The following PTPRE variants were observed in gnomAD, a reference collection of about 807,000 sequenced individuals.
PTPRE encodes protein tyrosine phosphatase receptor type E.
Under a neutral mutation model 102.0 loss-of-function variants are expected in PTPRE, and 51 were observed. That is an observed-to-expected ratio of 0.50 (90% CI 0.40 to 0.63). The LOEUF (loss-of-function observed/expected upper bound fraction) is 0.63. Ranked by LOEUF, PTPRE falls within the 30% of genes least tolerant of loss-of-function variation. The pLI, the probability that PTPRE is intolerant of heterozygous loss-of-function variation, is 0.00. For missense variants in PTPRE, 752 were observed against 915.1 expected (o/e 0.82, Z 2.30); for synonymous variants, 345 against 348.2 (o/e 0.99, Z 0.10).
chr10:127,932,647 C>T (rs978863404), intron 1 of PTPRE, among the ~76,000 whole-genome samples: 2 of 152,192 alleles, frequency 1.3e-5, no homozygotes, highest in African/African-American at 4.8e-5. Context: ...GTGCTCATGC[C>T]ACCCTCCCAC....
chr10:127,956,538 A>G (rs906747767), intron 1 of PTPRE, among the ~76,000 whole-genome samples: 4 of 152,240 alleles, frequency 2.6e-5, no homozygotes, highest in African/African-American at 9.6e-5. Flanking sequence ...ATATACATAC[A>G]TATGTGGGTT....
At chr10:127,921,311 T>C (rs891918855) in intron 1 of PTPRE, among the ~76,000 whole-genome samples, 4 of 152,078 alleles carry the variant, frequency 2.6e-5, no homozygotes, top group East Asian at 1.9e-4. Context: ...GAGGCCCAGA[T>C]AGGGTAGCAG....
At chr10:128,071,899 A>G (rs1850802083) in intron 15 of PTPRE, 3 of 497,956 alleles carry the variant, frequency 6.0e-6, no homozygotes, top group Non-Finnish European at 1.1e-5. Flanking sequence ...GGTATGTATT[A>G]TATCGATTCC....
chr10:127,936,789 A>AC (rs34655434), intron 1 of PTPRE, among the ~76,000 whole-genome samples: 1 of 151,850 alleles, frequency 6.6e-6, no homozygotes, highest in Non-Finnish European at 1.5e-5. Flanking sequence ...GTTGTGACCC[A>AC]CCCCCCACCA....
chr10:128,070,560 C>T lies in PTPRE; in HGVS notation c.1293+110C>T. On this transcript the variant is annotated intron_variant, in intron 14 of 20. Coordinates refer to ENST00000254667, the MANE Select transcript of PTPRE (RefSeq NM_006504.6). The surrounding 1 kb of genome is among the most constrained non-coding windows in gnomAD (Gnocchi z 4.8). Reference sequence around the variant, plus strand: ...TTTCAATCACTTGCCCCTTAACTGACCTCAGAAAAAGCAGGGGCAATACCT... The same window carrying T: ...TTTCAATCACTTGCCCCTTAACTGATCTCAGAAAAAGCAGGGGCAATACCT... The T allele has an allele frequency of 5.7e-6, 8 of 1,407,276 alleles. No homozygotes were observed. Among genetic ancestry groups the T allele is most frequent in the Non-Finnish European group, 7.6e-6 (8 of 1,053,956 alleles). 87.2% of individuals were successfully genotyped at this position (1,407,276 alleles called of 1,614,324 possible).
chr10:128,069,997 C>G, intron 13 of PTPRE, 170 bp downstream of exon 13: 1 of 926,594 alleles, frequency 1.1e-6, no homozygotes, highest in East Asian at 2.6e-5. Flanking sequence ...ACCTCAGGGA[C>G]TCCCTCGTCC....
intron 1 of PTPRE, among the ~76,000 whole-genome samples, chr10:127,908,572 G>T (rs1358668256): frequency 6.6e-6 from 1 of 152,178 alleles, no homozygotes; most frequent in Non-Finnish European, 1.5e-5. Flanking sequence ...GGTATGGGCA[G>T]AGCTCTGTGG....
chr10:128,018,285 G>A (rs957634709), intron 2 of PTPRE, among the ~76,000 whole-genome samples: 4 of 152,198 alleles, frequency 2.6e-5, no homozygotes, highest in African/African-American at 9.7e-5. Context: ...CTGGGCCAGA[G>A]GCTCCCTCCC....
chr10:127,921,349 G>C (rs1231040709), intron 1 of PTPRE, among the ~76,000 whole-genome samples: 1 of 152,196 alleles, frequency 6.6e-6, no homozygotes, highest in African/African-American at 2.4e-5. Context: ...AAGGGATTGA[G>C]ACCAATAATC....
At chr10:128,046,323 C>T (rs185724980) in intron 3 of PTPRE, among the ~76,000 whole-genome samples, 520 of 152,270 alleles carry the variant, frequency 3.4e-3, no homozygotes, top group African/African-American at 0.011. Context: ...CTCGGGAGGC[C>T]GTGCCAGCCC....
intron 1 of PTPRE, among the ~76,000 whole-genome samples, chr10:127,921,205 C>G (rs952149176): frequency 2.0e-5 from 3 of 152,248 alleles, no homozygotes; most frequent in Non-Finnish European, 4.4e-5. Context: ...CAGCCAGATC[C>G]TGCTCTAAGC....
At chr10:127,993,276 G>A (rs778171955) in intron 2 of PTPRE, among the ~76,000 whole-genome samples, 13 of 152,170 alleles carry the variant, frequency 8.5e-5, no homozygotes, top group Admixed American at 2.6e-4. Context: ...AGTCAAGTTC[G>A]GAGAATGGCC....
At chr10:127,911,916 ATT>A (rs1328974313) in intron 1 of PTPRE, among the ~76,000 whole-genome samples, 1 of 151,844 alleles carries the variant, frequency 6.6e-6, no homozygotes, top group Non-Finnish European at 1.5e-5. Context: ...GCTGGATGAT[ATT>A]TTAGATGGCT....
Position 128,008,963 on chromosome 10 carries a change from T to G in PTPRE, c.-8+26667T>G, listed in dbSNP as rs1018961928. ...TGGTCTGGCTGGGGCTGGGTTACTTTGTTTCCTGCAAATCTTACCAGGAGT... is the reference window on the plus strand; with the variant it reads ...TGGTCTGGCTGGGGCTGGGTTACTTGGTTTCCTGCAAATCTTACCAGGAGT... On this transcript the variant is annotated intron_variant, in intron 2 of 20. Transcript: ENST00000254667. This position sits in a 1 kb window ranked among gnomAD's most constrained non-coding sequence, Gnocchi z 4.0. Among the ~76,000 whole-genome samples the G allele has an allele frequency of 6.6e-5, 10 of 152,230 alleles. No individual in the cohort carries two copies. Among genetic ancestry groups the G allele is most frequent in the African/African-American group, 2.4e-4 (10 of 41,458 alleles).
intron 3 of PTPRE, among the ~76,000 whole-genome samples, chr10:128,043,818 G>C (rs1258787803): frequency 6.6e-6 from 1 of 152,140 alleles, no homozygotes; most frequent in Non-Finnish European, 1.5e-5. Flanking sequence ...AGCTTATCTG[G>C]GCTGACATGG....
chr10:127,947,250 ATT>A (rs1459978338), intron 1 of PTPRE, among the ~76,000 whole-genome samples: 3 of 152,228 alleles, frequency 2.0e-5, no homozygotes, highest in Non-Finnish European at 4.4e-5. Flanking sequence ...GTTTTGGAAA[ATT>A]AAATAAGTGT....
intron 1 of PTPRE, among the ~76,000 whole-genome samples, chr10:127,931,589 G>A (rs1847447314): frequency 6.6e-6 from 1 of 152,158 alleles, no homozygotes; most frequent in Non-Finnish European, 1.5e-5. Context: ...CCCCTTCCCA[G>A]GAGCAGCAAG....
chr10:127,989,386 A>G (rs1852408459), intron 2 of PTPRE, among the ~76,000 whole-genome samples: 1 of 152,252 alleles, frequency 6.6e-6, no homozygotes, highest in East Asian at 1.9e-4. Context: ...ACACATACAT[A>G]TGGAGCACTT....
At chr10:127,937,618 G>A (rs1013614578) in intron 1 of PTPRE, among the ~76,000 whole-genome samples, 3 of 152,208 alleles carry the variant, frequency 2.0e-5, no homozygotes, top group Non-Finnish European at 4.4e-5. Context: ...CAGCACTTTG[G>A]GAGGTCAAGG....
Sources: gnomAD v4.1 joint callset for allele counts (sites outside exome capture counted in the v4.1 genomes callset) on GRCh38, gnomAD v4.1.1 for gene constraint, Gnocchi (gnomAD v3.1) non-coding constraint, MANE v1.5 for transcripts, NCBI Gene and HGNC (gene_info 2026-07-23, HGNC 2026-07-21) for gene names.